ZFHX3: variants seen among roughly 807,000 people sequenced by gnomAD.
ZFHX3 encodes zinc finger homeobox protein 3.
ZFHX3 carries 42 observed loss-of-function variants against 279.1 expected under a neutral mutation model. The observed-to-expected ratio is 0.15, with a 90% confidence interval of 0.12 to 0.19. ZFHX3 has a LOEUF of 0.19. Ranked by LOEUF, ZFHX3 falls within the 10% of genes least tolerant of loss-of-function variation. The probability of loss-of-function intolerance (pLI) is 1.00; values close to 1 mark genes in which losing one functional copy is unlikely to be tolerated. For synonymous variants in ZFHX3, 2,293 were observed against 1,957.8 expected (o/e 1.17, Z -4.52); for missense variants, 4,981 against 4,754.0 (o/e 1.05, Z -1.40).
At chr16:72,924,400 C>CT (rs1959328750) in intron 3 of ZFHX3, among the ~76,000 whole-genome samples, 1 of 152,198 alleles carries the variant, frequency 6.6e-6, no homozygotes, top group Non-Finnish European at 1.5e-5. Context: ...TAAGAAAGTA[C>CT]TACAGCCCAA....
intron 2 of ZFHX3, among the ~76,000 whole-genome samples, chr16:73,536,018 G>A (rs948725241): frequency 2.0e-5 from 3 of 152,118 alleles, no homozygotes; most frequent in East Asian, 1.9e-4. Flanking sequence ...CACCGCTCTC[G>A]GCCAAGCCCC....
chr16:73,266,246 AC>A (rs1241172662), intron 4 of ZFHX3, among the ~76,000 whole-genome samples: 1 of 152,128 alleles, frequency 6.6e-6, no homozygotes, highest in Non-Finnish European at 1.5e-5. Flanking sequence ...ATTTTTATAA[AC>A]CTATCATCAC....
At position 73,329,942 on chromosome 16, in the gene ZFHX3, T is replaced by C. The variant is rs767254190; in HGVS notation, c.-1290-11606A>G. On this transcript the variant is annotated intron_variant, in intron 3 of 17. Coordinates refer to the ZFHX3 transcript ENST00000641206. ...CAAAACAAACGTCCTCAGTGGGCTCTTCTGGGACTGGCTAGAGCAGTTGTT... is the reference window on the plus strand; with the variant it reads ...CAAAACAAACGTCCTCAGTGGGCTCCTCTGGGACTGGCTAGAGCAGTTGTT... 2.6e-5 allele frequency among the ~76,000 whole-genome samples: 4 copies of C among 152,198 alleles called. 1 individual carries two copies. Among genetic ancestry groups the C allele is most frequent in the African/African-American group, 4.8e-5 (2 of 41,458 alleles).
intron 1 of ZFHX3, among the ~76,000 whole-genome samples, chr16:73,795,307 T>C (rs1279628003): frequency 6.6e-6 from 1 of 152,182 alleles, no homozygotes; most frequent in Non-Finnish European, 1.5e-5. Flanking sequence ...GCAGATTCAT[T>C]CTCTTCGTTT....
At chr16:73,589,384 T>A (rs1159488016) in intron 2 of ZFHX3, among the ~76,000 whole-genome samples, 2 of 146,750 alleles carry the variant, frequency 1.4e-5, no homozygotes, top group Non-Finnish European at 3.0e-5. Context: ...TGCAGTGTGC[T>A]ATGATCACAC....
intron 3 of ZFHX3, among the ~76,000 whole-genome samples, chr16:72,900,460 A>G (rs1236867157): frequency 6.6e-6 from 1 of 152,250 alleles, no homozygotes; most frequent in African/African-American, 2.4e-5. Flanking sequence ...ACACAAAGCA[A>G]TTTTAAAAAC....
At chr16:73,569,622 T>C (rs2051714585) in intron 2 of ZFHX3, among the ~76,000 whole-genome samples, 1 of 152,230 alleles carries the variant, frequency 6.6e-6, no homozygotes. Flanking sequence ...ACAATGCATG[T>C]ATAATTTAAC....
intron 2 of ZFHX3, among the ~76,000 whole-genome samples, chr16:73,640,903 T>C (rs1338023718): frequency 6.6e-6 from 1 of 151,948 alleles, no homozygotes; most frequent in African/African-American, 2.4e-5. Context: ...CTTTGCAAAA[T>C]CACAAAATAT....
intron 1 of ZFHX3, among the ~76,000 whole-genome samples, chr16:73,041,759 CA>C (rs997233384): frequency 2.6e-5 from 4 of 151,474 alleles, no homozygotes; most frequent in Admixed American, 6.6e-5. Flanking sequence ...AGATACTCCA[CA>C]AAAAAAAGCG....
At position 72,950,718 on chromosome 16, in the gene ZFHX3, G is replaced by A. The variant is rs764876118; in HGVS notation, c.2967C>T (p.Cys989=). The A allele has an allele frequency of 1.9e-6, 3 of 1,614,130 alleles. No homozygotes were observed. The Admixed American group carries it at 5.0e-5, about 27-fold the overall frequency. The part of the protein sequence containing the change: ...VMGDSYQCKL[C]RYNTQLKANF... ...TGGCCTTGAGCTGGGTGTTGTAGCG[G>A]CAGAGCTTGCACTGGTATGAGTCCC... The change falls in exon 3 of 10, where the codon TGC becomes TGT. Residue 989 remains cysteine, a synonymous_variant. Coordinates refer to ENST00000268489, the MANE Select transcript of ZFHX3 (RefSeq NM_006885.4).
intron 6 of ZFHX3, among the ~76,000 whole-genome samples, chr16:73,141,983 A>G (rs1567400641): frequency 6.6e-6 from 1 of 152,190 alleles, no homozygotes; most frequent in African/African-American, 2.4e-5. Context: ...TCTTTCAACC[A>G]GCCCCTGTTG....
At chr16:73,562,574 C>T (rs912979585) in intron 2 of ZFHX3, among the ~76,000 whole-genome samples, 1 of 131,724 alleles carries the variant, frequency 7.6e-6, no homozygotes, top group African/African-American at 3.0e-5. Context: ...CCAGCCTGGG[C>T]GACAGAGCCA....
At position 72,950,642 on chromosome 16, in the gene ZFHX3, C is replaced by A; in HGVS notation, c.3043G>T (p.Val1015Leu). 1 of 1,614,216 alleles carries A rather than the reference C, an allele frequency of 6.2e-7. No homozygotes were observed. The highest frequency in any genetic ancestry group is 2.2e-5 in the East Asian group (1 of 44,890). Residue 1015 changes from valine (V) to leucine (L), a missense_variant, in exon 3 of 10, where the codon GTG (valine) becomes TTG (leucine). By Grantham distance (32) the Val-to-Leu change is conservative. Coordinates refer to ENST00000268489, the MANE Select transcript of ZFHX3 (RefSeq NM_006885.4). The part of the protein sequence containing the change: ...TDKHVQKYQL[V>L]AHIKEGGKAN... The stretch of plus-strand genomic sequence containing the variant: ...TTGCCGCCCTCCTTGATGTGGGCCA[C>A]CAGCTGGTACTTCTGCACGTGCTTG...
At chr16:73,154,037 T>G (rs773234002) in intron 5 of ZFHX3, among the ~76,000 whole-genome samples, 1 of 152,138 alleles carries the variant, frequency 6.6e-6, no homozygotes, top group Admixed American at 6.5e-5. Context: ...AAATCACACG[T>G]CTGCAGAGAT....
chr16:72,935,829 A>T (rs565494627), intron 3 of ZFHX3, among the ~76,000 whole-genome samples: 1 of 152,258 alleles, frequency 6.6e-6, no homozygotes, highest in South Asian at 2.1e-4. Flanking sequence ...GAAGGCTACA[A>T]AGTTGGGTGA....
At chr16:73,691,383 G>A (rs1167802463) in intron 1 of ZFHX3, among the ~76,000 whole-genome samples, 1 of 152,184 alleles carries the variant, frequency 6.6e-6, no homozygotes, top group Non-Finnish European at 1.5e-5. Context: ...AACTCAAAGA[G>A]CTTCAACACT....
chr16:73,171,119 G>T (rs1448551991), intron 5 of ZFHX3, among the ~76,000 whole-genome samples: 1 of 151,986 alleles, frequency 6.6e-6, no homozygotes, highest in Non-Finnish European at 1.5e-5. Context: ...TCAAATAGAG[G>T]ATGCTGTATT....
intron 3 of ZFHX3, among the ~76,000 whole-genome samples, chr16:73,416,879 G>A (rs1399851912): frequency 1.3e-5 from 2 of 150,908 alleles, no homozygotes; most frequent in East Asian, 3.9e-4. Context: ...GTCTCAAACA[G>A]AAAAAAAAGC....
Position 73,379,898 on chromosome 16 carries a change from C to T in ZFHX3, c.-1290-61562G>A, listed in dbSNP as rs574714053. ...TGACCGAAGGCAGCATCCAGGCCTA[C>T]TGAGAGTCACTGGAAACAACCACCA... On this transcript the variant is annotated intron_variant, in intron 3 of 17. Coordinates refer to the ZFHX3 transcript ENST00000641206. Among the ~76,000 whole-genome samples, 3 of 152,242 alleles carry T rather than the reference C, an allele frequency of 2.0e-5. No homozygotes were observed. In the South Asian group the frequency reaches 6.2e-4, roughly 32 times the overall value.
Sources: gnomAD v4.1 joint callset for allele counts (sites outside exome capture counted in the v4.1 genomes callset) on GRCh38, gnomAD v4.1.1 for gene constraint, MANE v1.5 for transcripts, NCBI Gene and HGNC (gene_info 2026-07-23, HGNC 2026-07-21) for gene names.